KIAA1328: variants seen among roughly 807,000 people sequenced by gnomAD.
KIAA1328 encodes the protein protein hinderin.
A neutral mutation model predicts 68.1 loss-of-function variants in KIAA1328; 52 were observed. The observed-to-expected ratio is 0.76, with a 90% CI of 0.61 to 0.96. The LOEUF (loss-of-function observed/expected upper bound fraction) is 0.96, where lower values mean the gene tolerates loss of function less well. Ranked by LOEUF, KIAA1328 falls within the 40% of genes least tolerant of loss-of-function variation. The probability of loss-of-function intolerance (pLI) is 0.00; values close to 1 mark genes in which losing one functional copy is unlikely to be tolerated. For synonymous variants in KIAA1328, 232 were observed against 239.4 expected (o/e 0.97, Z 0.28); for missense variants, 641 against 677.6 (o/e 0.95, Z 0.60).
Position 37,224,901 on chromosome 18 carries a change from T to C in KIAA1328, c.*2674T>C. On this transcript the variant is annotated 3_prime_UTR_variant, in exon 10 of 10. Coordinates refer to ENST00000280020, the MANE Select transcript of KIAA1328 (RefSeq NM_020776.3). ...AAAGGACACAGCATGTCCTTTGAAC[T>C]CCCTAAGTAAGGCCCACAGTTCTTG... 3 of 985,416 alleles carry C rather than the reference T, an allele frequency of 3.0e-6. No homozygotes were observed. The highest frequency in any genetic ancestry group is 3.6e-6 in the Non-Finnish European group (3 of 829,916). 61.0% of individuals were successfully genotyped at this position (985,416 alleles called of 1,614,324 possible).
chr18:36,914,572 T>C (rs2049605299), intron 5 of KIAA1328, among the ~76,000 whole-genome samples: 1 of 151,736 alleles, frequency 6.6e-6, no homozygotes, highest in Non-Finnish European at 1.5e-5. Flanking sequence ...ATACAAACAT[T>C]AGCCAGGCGC....
chr18:36,973,816 C>CACACACACAT (rs1556844245), intron 6 of KIAA1328, among the ~76,000 whole-genome samples: 5 of 99,716 alleles, frequency 5.0e-5, no homozygotes, highest in Middle Eastern at 4.4e-3. Context: ...CGCACATACA[C>CACACACACAT]ACACACACAC....
chr18:37,112,291 T>A (rs1030565427), intron 7 of KIAA1328, among the ~76,000 whole-genome samples: 1 of 152,176 alleles, frequency 6.6e-6, no homozygotes, highest in African/African-American at 2.4e-5. Flanking sequence ...CGACTGATAC[T>A]TCATACAGTC....
At chr18:36,829,518 T>C (rs2046386242) in intron 1 of KIAA1328, 1 of 1,044,336 alleles carries the variant, frequency 9.6e-7, no homozygotes. Context: ...CTGCCCACCC[T>C]GTCAGAGTGC....
chr18:37,134,542 A>G (rs985514523), intron 7 of KIAA1328, among the ~76,000 whole-genome samples: 2 of 152,240 alleles, frequency 1.3e-5, no homozygotes, highest in Non-Finnish European at 2.9e-5. Flanking sequence ...CTGGCTTAAA[A>G]GAAGACAGCT....
At position 37,224,611 on chromosome 18, in the gene KIAA1328, C is replaced by T; in HGVS notation, c.*2384C>T. On this transcript the variant is annotated 3_prime_UTR_variant, in exon 10 of 10. Transcript: ENST00000280020. ...ATTTAAATTTACTTTGAAATATATACATACATATGAATGAAAGGTTGTTAC... is the reference window on the plus strand; with the variant it reads ...ATTTAAATTTACTTTGAAATATATATATACATATGAATGAAAGGTTGTTAC... 2 of 974,526 alleles carry T rather than the reference C, an allele frequency of 2.1e-6. No homozygotes were observed. Among genetic ancestry groups the T allele is most frequent in the South Asian group, 9.5e-5 (2 of 21,068 alleles). The allele number at this position is 974,526 out of a possible 1,614,324, so 60.4% of individuals were successfully genotyped here. A position where few individuals can be genotyped will look rare whatever the true frequency, so the allele number is the denominator to read the frequency against.
intron 6 of KIAA1328, among the ~76,000 whole-genome samples, chr18:37,065,303 C>A (rs1044534184): frequency 1.3e-5 from 2 of 152,184 alleles, no homozygotes; most frequent in Non-Finnish European, 2.9e-5. Flanking sequence ...TTAGTGGAAG[C>A]TGTCAGATAT....
Position 37,224,830 on chromosome 18 carries a change from G to A in KIAA1328, c.*2603G>A, listed in dbSNP as rs2060619141. 1 of 985,474 alleles carries A rather than the reference G, an allele frequency of 1.0e-6. No homozygotes were observed. The highest frequency in any genetic ancestry group is 4.7e-5 in the South Asian group (1 of 21,288). The allele number at this position is 985,474 out of a possible 1,614,324, so 61.0% of individuals were successfully genotyped here. On this transcript the variant is annotated 3_prime_UTR_variant, in exon 10 of 10. Coordinates refer to ENST00000280020, the MANE Select transcript of KIAA1328 (RefSeq NM_020776.3). ...GTGCCTCACCATTGCCCACCCTGCT[G>A]CCCAACTCCTGTGAGAGAAAAACCA...
chr18:37,157,914 A>T (rs2059190404), intron 7 of KIAA1328, among the ~76,000 whole-genome samples: 1 of 151,692 alleles, frequency 6.6e-6, no homozygotes, highest in African/African-American at 2.4e-5. Context: ...TTATAGAATG[A>T]TATTTGCTTT....
chr18:37,214,527 G>A (rs532643791), intron 9 of KIAA1328, among the ~76,000 whole-genome samples: 2 of 152,154 alleles, frequency 1.3e-5, no homozygotes, highest in Non-Finnish European at 2.9e-5. Flanking sequence ...TTTGGTACCA[G>A]TACCATGCTG....
At chr18:37,067,760 G>C (rs1422938056) in intron 7 of KIAA1328, among the ~76,000 whole-genome samples, 1 of 151,832 alleles carries the variant, frequency 6.6e-6, no homozygotes, top group Admixed American at 6.6e-5. Flanking sequence ...GGGTTTCACT[G>C]TCTTGGCCAG....
chr18:37,074,248 A>T (rs1373512371), intron 7 of KIAA1328, among the ~76,000 whole-genome samples: 1 of 152,162 alleles, frequency 6.6e-6, no homozygotes, highest in Non-Finnish European at 1.5e-5. Flanking sequence ...AGCTTCTCCC[A>T]CATTCAAGGT....
At chr18:36,991,043 A>G (rs939453614) in intron 6 of KIAA1328, among the ~76,000 whole-genome samples, 29 of 152,142 alleles carry the variant, frequency 1.9e-4, no homozygotes, top group African/African-American at 6.0e-4. Context: ...CTATTTATTT[A>G]TTGGTCCTTA....
At chr18:37,134,509 A>G (rs2058598830) in intron 7 of KIAA1328, among the ~76,000 whole-genome samples, 1 of 152,142 alleles carries the variant, frequency 6.6e-6, no homozygotes, top group African/African-American at 2.4e-5. Flanking sequence ...ATTGTTTTAT[A>G]TTTTTGCAAA....
At chr18:36,998,548 C>T (rs3848483) in intron 6 of KIAA1328, among the ~76,000 whole-genome samples, 5,207 of 152,298 alleles carry the variant, frequency 0.034, 114 homozygotes, top group East Asian at 0.096. Flanking sequence ...CTTAGTCCAC[C>T]GCTGCCACCA....
chr18:36,903,454 G>C (rs889060218), intron 5 of KIAA1328, among the ~76,000 whole-genome samples: 4 of 152,070 alleles, frequency 2.6e-5, no homozygotes, highest in Non-Finnish European at 4.4e-5. Flanking sequence ...CAGTGGGGAA[G>C]GGCAGAAGGA....
At chr18:37,045,121 G>T (rs761953976) in intron 6 of KIAA1328, among the ~76,000 whole-genome samples, 7 of 152,074 alleles carry the variant, frequency 4.6e-5, no homozygotes, top group African/African-American at 7.3e-5. Context: ...AATTCCTGAG[G>T]GATATTTTTT....
intron 4 of KIAA1328, among the ~76,000 whole-genome samples, chr18:36,883,210 T>C (rs749543279): frequency 1.3e-5 from 2 of 152,188 alleles, no homozygotes; most frequent in African/African-American, 2.4e-5. Context: ...ATGGACTGGG[T>C]ATCCCTAATA....
At chr18:36,982,162 A>G (rs2052721508) in intron 6 of KIAA1328, among the ~76,000 whole-genome samples, 1 of 144,876 alleles carries the variant, frequency 6.9e-6, no homozygotes, top group South Asian at 2.1e-4. Flanking sequence ...TATAATATAT[A>G]TATATAATAT....
Sources: gnomAD v4.1 joint callset for allele counts (sites outside exome capture counted in the v4.1 genomes callset) on GRCh38, gnomAD v4.1.1 for gene constraint, MANE v1.5 for transcripts, NCBI Gene and HGNC (gene_info 2026-07-23, HGNC 2026-07-21) for gene names.